Variants in C8orf89 observed in about 807,000 individuals in gnomAD.
C8orf89 encodes putative uncharacterized protein C8orf89.
C8orf89 carries 14 observed loss-of-function variants against 15.8 expected under a neutral mutation model. That is an observed-to-expected ratio of 0.89 (90% CI 0.59 to 1.39). C8orf89 has a LOEUF of 1.39. Among genes scored for constraint, C8orf89 ranks in the 40% most tolerant of loss-of-function variants. C8orf89 has a pLI of 0.00. For missense variants in C8orf89, 181 were observed against 184.5 expected (o/e 0.98, Z 0.11); for synonymous variants, 55 against 62.2 (o/e 0.88, Z 0.54).
chr8:73,258,572 T>C (rs1813457499), intron 1 of C8orf89, among the ~76,000 whole-genome samples: 1 of 151,980 alleles, frequency 6.6e-6, no homozygotes, highest in African/African-American at 2.4e-5. Flanking sequence ...ATTGAGCAGC[T>C]ATGGGATTTA....
chr8:73,276,116 G>T, the C8orf89 span, among the ~76,000 whole-genome samples: 39 of 151,022 alleles, frequency 2.6e-4, 1 homozygote, highest in Admixed American at 2.4e-3. Context: ...TTTTTTTATG[G>T]TAAATATATT....
intron 2 of C8orf89, among the ~76,000 whole-genome samples, chr8:73,254,837 T>C (rs531964777): frequency 1.3e-5 from 2 of 152,318 alleles, no homozygotes; most frequent in East Asian, 3.9e-4. Context: ...ATCTGATCTT[T>C]GACAAACCTG....
Position 73,244,404 on chromosome 8 carries a change from A to T in C8orf89, c.338-2799T>A, listed in dbSNP as rs1488939242. On this transcript the variant is annotated intron_variant, in intron 3 of 3. Coordinates refer to ENST00000624510, the MANE Select transcript of C8orf89 (RefSeq NM_001243237.3). ...TATCAGAGTTAGGATTTGAATCCAG[A>T]TTCATCAAAGTTCCAATCACTACGT... 2.0e-5 allele frequency among the ~76,000 whole-genome samples: 3 copies of T among 152,202 alleles called. No individual in the cohort carries two copies. In the East Asian group the frequency reaches 5.8e-4, roughly 29 times the overall value.
intron 2 of C8orf89, 34 bp downstream of exon 2, chr8:73,256,939 T>C: frequency 6.7e-7 from 1 of 1,492,116 alleles, no homozygotes; most frequent in Non-Finnish European, 8.9e-7. Context: ...CAAATACACA[T>C]TCAACAAATG....
At chr8:73,265,751 G>A in the C8orf89 span, among the ~76,000 whole-genome samples, 1 of 152,194 alleles carries the variant, frequency 6.6e-6, no homozygotes, top group African/African-American at 2.4e-5. Context: ...TTACCTGGAT[G>A]TCTCAAGGGC....
At chr8:73,250,891 T>C (rs1183265587) in intron 2 of C8orf89, among the ~76,000 whole-genome samples, 1 of 152,030 alleles carries the variant, frequency 6.6e-6, no homozygotes, top group Non-Finnish European at 1.5e-5. Context: ...TTTGAACTCC[T>C]AGGCTCAAGC....
chr8:73,276,805 ATT>A, the C8orf89 span, among the ~76,000 whole-genome samples: 2 of 87,640 alleles, frequency 2.3e-5, no homozygotes, highest in Non-Finnish European at 2.1e-5. Flanking sequence ...CACAGCAGTC[ATT>A]TTTTTTTTTT....
At chr8:73,271,488 C>A in the C8orf89 span, among the ~76,000 whole-genome samples, 892 of 152,292 alleles carry the variant, frequency 5.9e-3, 7 homozygotes, top group African/African-American at 0.02. Flanking sequence ...CACGTGCCCA[C>A]TTCCCCTTAG....
At chr8:73,271,062 CA>C in the C8orf89 span, among the ~76,000 whole-genome samples, 4 of 152,190 alleles carry the variant, frequency 2.6e-5, no homozygotes, top group Non-Finnish European at 4.4e-5. Flanking sequence ...AGCCCTTTGC[CA>C]ATCCCCCATT....
upstream of C8orf89, among the ~76,000 whole-genome samples, chr8:73,262,435 C>A (rs73686908): frequency 1.3e-5 from 2 of 152,156 alleles, no homozygotes; most frequent in Admixed American, 1.3e-4. Flanking sequence ...AGTAAAAGTT[C>A]ACATGATAAA....
At chr8:73,263,108 A>C (rs1307859092), upstream of C8orf89, among the ~76,000 whole-genome samples, 2 of 152,240 alleles carry the variant, frequency 1.3e-5, no homozygotes, top group African/African-American at 4.8e-5. Context: ...TGCTTTCTCA[A>C]ATTACCAGTA....
the C8orf89 span, among the ~76,000 whole-genome samples, chr8:73,268,584 G>C: frequency 2.0e-5 from 3 of 152,152 alleles, no homozygotes; most frequent in Admixed American, 2.0e-4. Flanking sequence ...AGGGTAGTCT[G>C]AGCACTGACA....
At chr8:73,275,264 A>G in the C8orf89 span, among the ~76,000 whole-genome samples, 2 of 109,874 alleles carry the variant, frequency 1.8e-5, no homozygotes, top group Non-Finnish European at 3.4e-5. Context: ...TTTGAGACAT[A>G]GTCTTGCTGT....
the C8orf89 span, chr8:73,277,625 A>T: frequency 5.2e-6 from 4 of 762,096 alleles, no homozygotes; most frequent in Non-Finnish European, 4.9e-6. Context: ...TGTGGACCAT[A>T]GAACTTTTTC....
intron 1 of C8orf89, among the ~76,000 whole-genome samples, chr8:73,258,446 T>C (rs1321245355): frequency 1.4e-5 from 2 of 146,156 alleles, no homozygotes; most frequent in African/African-American, 2.5e-5. Flanking sequence ...TATTTCTCCA[T>C]CAATAAAGAT....
At chr8:73,265,082 GA>G in the C8orf89 span, among the ~76,000 whole-genome samples, 323 of 148,990 alleles carry the variant, frequency 2.2e-3, 1 homozygote, top group African/African-American at 7.3e-3. Context: ...ACTTCTTGAG[GA>G]AAAAAAAAAG....
rs1781957120 is a variant in C8orf89 at position 73,241,504 on chromosome 8, T to C, written c.439A>G (p.Thr147Ala). Reference protein sequence around the residue: ...LEYDTIRQETTTKSKKSKKRD... With the variant: ...LEYDTIRQETATKSKKSKKRD... ...TTCTTGCTTTTTTTTGATTTTGTGG[T>C]TGTTTCCTGACGAATGGTATCATAT... The change falls in exon 4 of 4, where the codon ACC becomes GCC. Residue 147 changes from threonine (T) to alanine (A), a missense_variant. Thr to Ala is a moderately conservative substitution (Grantham distance 58). Coordinates refer to ENST00000624510, the MANE Select transcript of C8orf89 (RefSeq NM_001243237.3). The C allele has an allele frequency of 8.5e-6, 13 of 1,532,690 alleles. No homozygotes were observed. The highest frequency in any genetic ancestry group is 1.0e-5 in the Non-Finnish European group (12 of 1,144,860). The allele number at this position is 1,532,690 out of a possible 1,614,324, so 94.9% of individuals were successfully genotyped here.
chr8:73,261,373 C>T (rs1454367683), upstream of C8orf89, among the ~76,000 whole-genome samples: 1 of 151,810 alleles, frequency 6.6e-6, no homozygotes, highest in Non-Finnish European at 1.5e-5. Context: ...AGGGGAAAAA[C>T]AAGAATGTGG....
At chr8:73,246,812 A>G (rs939032191) in intron 3 of C8orf89, among the ~76,000 whole-genome samples, 5 of 152,196 alleles carry the variant, frequency 3.3e-5, no homozygotes, top group Non-Finnish European at 7.3e-5. Flanking sequence ...AAACTTATAA[A>G]CTTCCATAGA....
Sources: allele counts gnomAD v4.1 joint callset (sites outside exome capture counted in the v4.1 genomes callset), GRCh38; gene constraint gnomAD v4.1.1; transcripts MANE v1.5; gene names NCBI Gene and HGNC (gene_info 2026-07-23, HGNC 2026-07-21).